Variants in ATF2 observed in about 807,000 individuals in gnomAD.
ATF2 encodes the protein cyclic AMP-dependent transcription factor ATF-2.
ATF2 carries 24 observed loss-of-function variants against 60.6 expected under a neutral mutation model. The observed-to-expected ratio is 0.40, with a 90% confidence interval of 0.29 to 0.56. The LOEUF (loss-of-function observed/expected upper bound fraction) is 0.56. Ranked by LOEUF, ATF2 falls within the 20% of genes least tolerant of loss-of-function variation. The pLI is 0.54. For missense variants in ATF2, 433 were observed against 607.7 expected (o/e 0.71, Z 3.02); for synonymous variants, 206 against 215.4 (o/e 0.96, Z 0.38).
At chr2:175,136,080 G>A (rs761669988) in intron 3 of ATF2, among the ~76,000 whole-genome samples, 32 of 150,686 alleles carry the variant, frequency 2.1e-4, no homozygotes, top group Non-Finnish European at 3.3e-4. Flanking sequence ...AAATGACTAG[G>A]GGAGCACCCA....
rs545454532 is a variant in ATF2, at chr2:175,107,955, A to AAT, written c.828+3612_828+3613insAT. On this transcript the variant is annotated intron_variant, in intron 10 of 13. Coordinates refer to ENST00000264110, the MANE Select transcript of ATF2 (RefSeq NM_001880.4). The stretch of plus-strand genomic sequence containing the variant: ...CCAGCCGCCTGCCTTGGCCTCCCAA[A>AAT]GTGCCGAGATTGCACCCTCTGCCCA... Among the ~76,000 whole-genome samples, 579 of 152,242 alleles carry AAT rather than the reference A, an allele frequency of 3.8e-3. 6 individuals carry two copies. Among genetic ancestry groups the AAT allele is most frequent in the African/African-American group, 0.013 (546 of 41,574 alleles).
At chr2:175,166,964 G>T (rs562878320) in intron 1 of ATF2, among the ~76,000 whole-genome samples, 1 of 152,256 alleles carries the variant, frequency 6.6e-6, no homozygotes, top group South Asian at 2.1e-4. Context: ...TACATGTAAA[G>T]AAATGCTTTA....
At chr2:175,117,700 TAAA>T (rs1696676222) in intron 7 of ATF2, among the ~76,000 whole-genome samples, 1 of 151,994 alleles carries the variant, frequency 6.6e-6, no homozygotes, top group East Asian at 1.9e-4. Flanking sequence ...TAAAAGTAGC[TAAA>T]TATAAAATAG....
chr2:175,120,878 T>C, intron 5 of ATF2, among the ~76,000 whole-genome samples: 1 of 151,782 alleles, frequency 6.6e-6, no homozygotes, highest in Non-Finnish European at 1.5e-5. Flanking sequence ...TCTTTTCACA[T>C]ACAGTGAAAA....
At chr2:175,109,588 T>G (rs937620652) in intron 10 of ATF2, among the ~76,000 whole-genome samples, 1 of 152,238 alleles carries the variant, frequency 6.6e-6, no homozygotes, top group Non-Finnish European at 1.5e-5. Flanking sequence ...TAAAGGTATT[T>G]CTTAAAACTG....
intron 2 of ATF2, among the ~76,000 whole-genome samples, chr2:175,142,938 C>G (rs977482138): frequency 2.0e-4 from 30 of 152,028 alleles, no homozygotes; most frequent in African/African-American, 7.2e-4. Context: ...CCTTGAAATC[C>G]TGAGCTCAAG....
rs3217146 is a variant in ATF2 at position 175,080,774 on chromosome 2, GA to G, written c.1186-10del. 105,917 of 1,606,092 alleles carry G rather than the reference GA, an allele frequency of 0.066. 3,810 individuals carry two copies. The highest frequency in any genetic ancestry group is 0.14 in the East Asian group (6,192 of 44,776). ...AGCAGGGTGACTTCACTCTGGAGAA[GA>G]AACAACTTATGTACCTTACCACAGA... is the stretch of plus-strand genomic sequence containing the variant. On this transcript the variant is annotated splice_polypyrimidine_tract_variant and intron_variant, in intron 12 of 13. Transcript: ENST00000264110.
In ATF2 at chr2:175,108,783, T is replaced by C. The variant is rs1463180396; in HGVS notation, c.828+2785A>G. 5.0e-5 allele frequency among the ~76,000 whole-genome samples: 7 copies of C among 139,076 alleles called. No individual in the cohort carries two copies. In the East Asian group the frequency reaches 1.4e-3, roughly 27 times the overall value. 91.2% of individuals were successfully genotyped at this position (139,076 alleles called of 152,430 possible). ...AGAGAAATCAGATTGTTGCTGTATCTGTGTAGAAAGTAGACATGGGAGACT... is the reference window on the plus strand; with the variant it reads ...AGAGAAATCAGATTGTTGCTGTATCCGTGTAGAAAGTAGACATGGGAGACT... On this transcript the variant is annotated intron_variant, in intron 10 of 13. Transcript: ENST00000264110.
At chr2:175,145,136 T>C (rs1208060423) in intron 2 of ATF2, among the ~76,000 whole-genome samples, 1 of 152,170 alleles carries the variant, frequency 6.6e-6, no homozygotes, top group African/African-American at 2.4e-5. Context: ...TATGTGGTCA[T>C]GTAGGTCCCT....
chr2:175,111,460 A>C, intron 10 of ATF2, 108 bp downstream of exon 10: 1 of 1,042,090 alleles, frequency 9.6e-7, no homozygotes, highest in Non-Finnish European at 1.4e-6. Context: ...AACAGTCCGT[A>C]ACTTTATAAA....
At chr2:175,076,561 T>G (rs1403055607) in intron 13 of ATF2, among the ~76,000 whole-genome samples, 4 of 152,036 alleles carry the variant, frequency 2.6e-5, no homozygotes, top group African/African-American at 7.2e-5. Flanking sequence ...CCCCTCTCCT[T>G]CACCCCCCTA....
intron 2 of ATF2, among the ~76,000 whole-genome samples, chr2:175,144,894 G>A (rs1396788797): frequency 1.3e-5 from 2 of 152,192 alleles, no homozygotes; most frequent in East Asian, 3.9e-4. Context: ...GGAGAGGAAA[G>A]GTGAGTGCCT....
At chr2:175,158,234 AT>A (rs34664149) in intron 1 of ATF2, among the ~76,000 whole-genome samples, 5,408 of 132,656 alleles carry the variant, frequency 0.041, 90 homozygotes, top group African/African-American at 0.068. Context: ...TGAATTCAGG[AT>A]TTTTTTTTTT....
intron 10 of ATF2, among the ~76,000 whole-genome samples, chr2:175,102,030 T>C (rs1221970169): frequency 6.6e-6 from 1 of 152,078 alleles, no homozygotes; most frequent in African/African-American, 2.4e-5. Context: ...AATCCAGCCA[T>C]ACATATTTGT....
At chr2:175,110,473 T>C (rs1696101373) in intron 10 of ATF2, among the ~76,000 whole-genome samples, 1 of 152,250 alleles carries the variant, frequency 6.6e-6, no homozygotes, top group Non-Finnish European at 1.5e-5. Flanking sequence ...TTCCTAAGGA[T>C]ACATTAATTA....
chr2:175,077,335 A>T (rs544888876), intron 13 of ATF2, among the ~76,000 whole-genome samples: 2 of 152,238 alleles, frequency 1.3e-5, no homozygotes, highest in African/African-American at 2.4e-5. Flanking sequence ...GCTGGGTCAA[A>T]TCGTATTTCT....
intron 4 of ATF2, chr2:175,126,686 A>G (rs1697360993): frequency 6.6e-6 from 1 of 152,214 alleles, no homozygotes; most frequent in Admixed American, 6.5e-5. Flanking sequence ...TATTAGTAAG[A>G]ATTCAATCAC....
intron 11 of ATF2, among the ~76,000 whole-genome samples, chr2:175,093,668 C>T (rs1333765424): frequency 3.3e-5 from 5 of 152,160 alleles, no homozygotes; most frequent in South Asian, 4.1e-4. Context: ...TAATAACTTC[C>T]TATTTAAATT....
At chr2:175,148,276 G>C (rs1699085715) in intron 2 of ATF2, among the ~76,000 whole-genome samples, 1 of 152,026 alleles carries the variant, frequency 6.6e-6, no homozygotes, top group East Asian at 1.9e-4. Context: ...TAAATACCTA[G>C]CCAATCCTGG....
Sources: gnomAD v4.1 joint callset for allele counts (sites outside exome capture counted in the v4.1 genomes callset) on GRCh38, gnomAD v4.1.1 for gene constraint, MANE v1.5 for transcripts, NCBI Gene and HGNC (gene_info 2026-07-23, HGNC 2026-07-21) for gene names.